The following AGBL1 variants were observed in gnomAD, a reference collection of about 807,000 sequenced individuals.
AGBL1 encodes cytosolic carboxypeptidase 4.
AGBL1 carries 130 observed loss-of-function variants against 118.9 expected under a neutral mutation model. The ratio of observed to expected loss-of-function variants is 1.09; its 90% confidence interval spans 0.95 to 1.26. The LOEUF is 1.26. Among genes scored for constraint, AGBL1 ranks in the 50% most tolerant of loss-of-function variants. The pLI, the probability that AGBL1 is intolerant of heterozygous loss-of-function variation, is 0.00. For synonymous variants in AGBL1, 555 were observed against 478.9 expected (o/e 1.16, Z -2.08); for missense variants, 1,584 against 1,298.1 (o/e 1.22, Z -3.38).
chr15:86,843,876 G>C (rs919483251), intron 22 of AGBL1, among the ~76,000 whole-genome samples: 1 of 151,792 alleles, frequency 6.6e-6, no homozygotes, highest in African/African-American at 2.4e-5. Flanking sequence ...CCTTGTGTCC[G>C]CCAGGAGTTA....
chr15:86,888,808 C>G (rs1456754501), intron 22 of AGBL1, among the ~76,000 whole-genome samples: 1 of 152,086 alleles, frequency 6.6e-6, no homozygotes, highest in East Asian at 1.9e-4. Flanking sequence ...AACTGTTAAT[C>G]AGAACATAAA....
chr15:86,997,644 T>C (rs8029706), intron 24 of AGBL1, among the ~76,000 whole-genome samples: 14,907 of 152,128 alleles, frequency 0.098, 1,287 homozygotes, highest in African/African-American at 0.23. Flanking sequence ...GATTGATTGA[T>C]GTGCTAGGTT....
At chr15:86,366,817 G>T (rs79282287) in intron 17 of AGBL1, among the ~76,000 whole-genome samples, 11 of 152,112 alleles carry the variant, frequency 7.2e-5, no homozygotes, top group East Asian at 1.9e-4. Flanking sequence ...GGGGAAAAAG[G>T]TTCCTTTACT....
chr15:86,080,974 A>G (rs2141429811), intron 1 of AGBL1, among the ~76,000 whole-genome samples: 1 of 152,276 alleles, frequency 6.6e-6, no homozygotes, highest in Non-Finnish European at 1.5e-5. Flanking sequence ...CCTGTTTAGA[A>G]TATAAACATT....
At chr15:86,894,418 G>T (rs911497619) in intron 22 of AGBL1, among the ~76,000 whole-genome samples, 4 of 152,122 alleles carry the variant, frequency 2.6e-5, no homozygotes, top group African/African-American at 9.7e-5. Context: ...AATCTGAGCT[G>T]CAGAGAGAGC....
chr15:86,264,434 G>A lies in AGBL1; in HGVS notation c.1263G>A (p.Thr421=), dbSNP rs374390985. The A allele has an allele frequency of 1.1e-4, 179 of 1,613,830 alleles. No individual in the cohort carries two copies. The highest frequency in any genetic ancestry group is 1.6e-4 in the Middle Eastern group (1 of 6,084). ...CTTCCCTTCTGTGCAGGGTGAAGACGGGAAGGTCCACTGTGCATCTAGGCT... is the reference window on the plus strand; with the variant it reads ...CTTCCCTTCTGTGCAGGGTGAAGACAGGAAGGTCCACTGTGCATCTAGGCT... The part of the protein sequence containing the change: ...VQTSLLCRVK[T]GRSTVHLGSK... Residue 421 remains threonine, a synonymous_variant, in exon 11 of 23, where the codon ACG becomes ACA. Transcript: ENST00000614907.
chr15:86,774,168 G>C (rs995345990), intron 22 of AGBL1, among the ~76,000 whole-genome samples: 6 of 152,034 alleles, frequency 3.9e-5, no homozygotes, highest in African/African-American at 1.2e-4. Flanking sequence ...AGAAGACCGG[G>C]AACCTGAGCC....
At chr15:86,606,198 G>A (rs778789850) in intron 21 of AGBL1, among the ~76,000 whole-genome samples, 7 of 150,770 alleles carry the variant, frequency 4.6e-5, no homozygotes, top group South Asian at 2.1e-4. Flanking sequence ...TGAATTAATC[G>A]GCTTCTATTC....
chr15:86,090,600 T>C (rs1895957678), intron 1 of AGBL1, among the ~76,000 whole-genome samples: 2 of 152,238 alleles, frequency 1.3e-5, no homozygotes, highest in Non-Finnish European at 2.9e-5. Context: ...TTTTAGTTCA[T>C]GGTTGTACCA....
At chr15:86,865,220 A>G (rs2079608933) in intron 22 of AGBL1, among the ~76,000 whole-genome samples, 1 of 152,230 alleles carries the variant, frequency 6.6e-6, no homozygotes, top group African/African-American at 2.4e-5. Flanking sequence ...TCAATTTGAT[A>G]TTCATCGACA....
intron 22 of AGBL1, among the ~76,000 whole-genome samples, chr15:86,780,216 C>T (rs1213489782): frequency 6.6e-6 from 1 of 152,130 alleles, no homozygotes; most frequent in South Asian, 2.1e-4. Context: ...GGCACAATAC[C>T]ATTTATTAAA....
At chr15:86,263,911 A>G (rs908934298) in intron 10 of AGBL1, among the ~76,000 whole-genome samples, 22 of 152,206 alleles carry the variant, frequency 1.4e-4, no homozygotes, top group African/African-American at 5.3e-4. Context: ...ATTTTTTTCA[A>G]ATAAACAGAA....
chr15:86,148,621 A>T (rs950827612), intron 3 of AGBL1, among the ~76,000 whole-genome samples: 2 of 152,222 alleles, frequency 1.3e-5, no homozygotes, highest in Non-Finnish European at 2.9e-5. Context: ...GAAATATGGG[A>T]CTATGTGAAA....
chr15:86,511,367 G>A (rs975110500), intron 18 of AGBL1, among the ~76,000 whole-genome samples: 7 of 151,984 alleles, frequency 4.6e-5, no homozygotes, highest in African/African-American at 1.7e-4. Context: ...AGACACATTG[G>A]TTCATATAGG....
chr15:86,881,946 C>G (rs370497705), intron 22 of AGBL1, among the ~76,000 whole-genome samples: 2 of 152,230 alleles, frequency 1.3e-5, no homozygotes, highest in African/African-American at 4.8e-5. Flanking sequence ...CCCCACGATC[C>G]AATCGCCTCC....
chr15:86,848,483 G>A (rs1325092010), intron 22 of AGBL1, among the ~76,000 whole-genome samples: 1 of 152,026 alleles, frequency 6.6e-6, no homozygotes. Flanking sequence ...TCTGTTATAT[G>A]GTATCACATC....
intron 22 of AGBL1, among the ~76,000 whole-genome samples, chr15:86,871,618 G>A (rs2079729417): frequency 6.6e-6 from 1 of 152,158 alleles, no homozygotes; most frequent in African/African-American, 2.4e-5. Flanking sequence ...CATTGCCTCA[G>A]ACTTGGGGTC....
intron 18 of AGBL1, among the ~76,000 whole-genome samples, chr15:86,493,740 C>G (rs1273418678): frequency 6.6e-6 from 1 of 152,080 alleles, no homozygotes; most frequent in East Asian, 1.9e-4. Flanking sequence ...CTGCAAAACA[C>G]ACACAGACAC....
intron 18 of AGBL1, among the ~76,000 whole-genome samples, chr15:86,463,265 G>T (rs1049469977): frequency 6.6e-6 from 1 of 150,640 alleles, no homozygotes; most frequent in Admixed American, 6.6e-5. Flanking sequence ...CATATCCTTT[G>T]CCCACATTTG....
Sources: allele counts gnomAD v4.1 joint callset (sites outside exome capture counted in the v4.1 genomes callset), GRCh38; gene constraint gnomAD v4.1.1; transcripts MANE v1.5; gene names NCBI Gene and HGNC (gene_info 2026-07-23, HGNC 2026-07-21).